LDB2: variants seen among roughly 807,000 people sequenced by gnomAD.
LDB2 encodes LIM domain binding 2.
A neutral mutation model predicts 44.3 loss-of-function variants in LDB2; 12 were observed. The ratio of observed to expected loss-of-function variants is 0.27; its 90% CI spans 0.17 to 0.44. LDB2 has a LOEUF of 0.44. Among genes scored for constraint, LDB2 ranks in the 20% least tolerant of loss-of-function variants. The pLI, the probability that LDB2 is intolerant of heterozygous loss-of-function variation, is 1.00. For synonymous variants in LDB2, 164 were observed against 174.8 expected, an observed-to-expected ratio of 0.94 and a Z score of 0.49; for missense variants, 344 against 473.5, an observed-to-expected ratio of 0.73 and a Z score of 2.54.
intron 1 of LDB2, among the ~76,000 whole-genome samples, chr4:16,776,043 T>C (rs1281507270): frequency 1.3e-5 from 2 of 152,242 alleles, no homozygotes; most frequent in Non-Finnish European, 2.9e-5. Flanking sequence ...AATTGTGGCT[T>C]GCCTGCCAGC....
intron 2 of LDB2, among the ~76,000 whole-genome samples, chr4:16,685,621 A>G (rs1749047883): frequency 6.6e-6 from 1 of 152,300 alleles, no homozygotes; most frequent in African/African-American, 2.4e-5. Flanking sequence ...CGATGTCCCA[A>G]TGTGAATGGA....
chr4:16,831,212 C>A (rs1784032011), intron 1 of LDB2, among the ~76,000 whole-genome samples: 2 of 130,758 alleles, frequency 1.5e-5, no homozygotes, highest in Admixed American at 8.9e-5. Context: ...GTGCAAATAT[C>A]ATAAGGGAAG....
At chr4:16,698,249 T>C (rs1181344161) in intron 2 of LDB2, among the ~76,000 whole-genome samples, 1 of 152,252 alleles carries the variant, frequency 6.6e-6, no homozygotes, top group African/African-American at 2.4e-5. Flanking sequence ...ACATGTGTCT[T>C]GATACACTCA....
chr4:16,549,667 G>A (rs1034574911), intron 5 of LDB2, among the ~76,000 whole-genome samples: 1 of 152,120 alleles, frequency 6.6e-6, no homozygotes, highest in Non-Finnish European at 1.5e-5. Flanking sequence ...GACCTGCAAT[G>A]TTACCCAGAT....
chr4:16,712,250 C>T (rs900585202), intron 2 of LDB2, among the ~76,000 whole-genome samples: 2 of 152,130 alleles, frequency 1.3e-5, no homozygotes, highest in African/African-American at 4.8e-5. Flanking sequence ...GCAAAGGATT[C>T]ACTATACATT....
Position 16,731,219 on chromosome 4 carries a change from T to G in LDB2, c.235+27939A>C, listed in dbSNP as rs150179769. On this transcript the variant is annotated intron_variant, in intron 2 of 7. Coordinates refer to ENST00000304523, the MANE Select transcript of LDB2 (RefSeq NM_001290.5). Reference sequence around the variant, plus strand: ...TGGAATGGAATGAAATGGGCTGGAATGGACTGGACTGGAATGAAATGGATT... The same window carrying G: ...TGGAATGGAATGAAATGGGCTGGAAGGGACTGGACTGGAATGAAATGGATT... 3.7e-3 allele frequency among the ~76,000 whole-genome samples: 567 copies of G among 152,248 alleles called. 4 individuals carry two copies. The highest frequency in any genetic ancestry group is 0.013 in the African/African-American group (543 of 41,546).
At chr4:16,830,694 C>T (rs1783908557) in intron 1 of LDB2, among the ~76,000 whole-genome samples, 1 of 152,196 alleles carries the variant, frequency 6.6e-6, no homozygotes, top group Admixed American at 6.5e-5. Context: ...AAAAAGGCAA[C>T]TCAGTGAATG....
chr4:16,733,967 A>G (rs1761308156), intron 2 of LDB2, among the ~76,000 whole-genome samples: 1 of 152,224 alleles, frequency 6.6e-6, no homozygotes, highest in African/African-American at 2.4e-5. Context: ...GCAGGAGACA[A>G]TGCCTATTTT....
intron 2 of LDB2, among the ~76,000 whole-genome samples, chr4:16,721,516 C>G (rs1480214726): frequency 6.6e-6 from 1 of 152,058 alleles, no homozygotes; most frequent in East Asian, 1.9e-4. Flanking sequence ...TTAAAATTAG[C>G]ATCATTTTTT....
At chr4:16,621,013 C>G (rs1249699507) in intron 2 of LDB2, among the ~76,000 whole-genome samples, 1 of 152,152 alleles carries the variant, frequency 6.6e-6, no homozygotes, top group Non-Finnish European at 1.5e-5. Flanking sequence ...TGGCAGGTGG[C>G]AAATGAACAT....
chr4:16,589,536 C>T (rs1578035236), intron 3 of LDB2, among the ~76,000 whole-genome samples: 1 of 152,170 alleles, frequency 6.6e-6, no homozygotes, highest in Non-Finnish European at 1.5e-5. Flanking sequence ...AAGGTCTCTT[C>T]CTTGATAGAG....
At chr4:16,870,735 C>T (rs1441569554) in intron 1 of LDB2, among the ~76,000 whole-genome samples, 3 of 152,064 alleles carry the variant, frequency 2.0e-5, no homozygotes, top group Non-Finnish European at 2.9e-5. Flanking sequence ...CCAGTTCAAG[C>T]GATTCTCCTG....
chr4:16,892,410 TA>T (rs1013424744), intron 1 of LDB2, among the ~76,000 whole-genome samples: 1 of 152,054 alleles, frequency 6.6e-6, no homozygotes, highest in Admixed American at 6.6e-5. Flanking sequence ...ATTTAAATTT[TA>T]AAAAAAATCT....
chr4:16,858,410 GT>G (rs1789811233), intron 1 of LDB2, among the ~76,000 whole-genome samples: 1 of 152,248 alleles, frequency 6.6e-6, no homozygotes, highest in Non-Finnish European at 1.5e-5. Flanking sequence ...AGACGAGCCA[GT>G]GGTTGGGCTT....
At chr4:16,507,053 A>G (rs549982351) in intron 7 of LDB2, 1 of 152,294 alleles carries the variant, frequency 6.6e-6, no homozygotes, top group South Asian at 2.1e-4. Flanking sequence ...AGTGGGCATA[A>G]CTTGATACTT....
At chr4:16,539,743 A>G (rs955423037) in intron 5 of LDB2, among the ~76,000 whole-genome samples, 1 of 152,150 alleles carries the variant, frequency 6.6e-6, no homozygotes, top group Non-Finnish European at 1.5e-5. Context: ...CTAGTAAGAC[A>G]AAATTAATCA....
At chr4:16,663,592 C>T (rs901644561) in intron 2 of LDB2, among the ~76,000 whole-genome samples, 8 of 152,132 alleles carry the variant, frequency 5.3e-5, no homozygotes, top group South Asian at 2.1e-4. Context: ...TGCATGTTTC[C>T]GTGAAGCTCC....
At chr4:16,721,530 C>A (rs1378655038) in intron 2 of LDB2, among the ~76,000 whole-genome samples, 5 of 151,928 alleles carry the variant, frequency 3.3e-5, no homozygotes, top group South Asian at 2.1e-4. Flanking sequence ...ATTTTTTTAA[C>A]AAAAATTTCC....
rs115939203 is a variant in LDB2, at chr4:16,511,433, T to G, written c.739+548A>C. 7.1e-3 allele frequency among the ~76,000 whole-genome samples: 1,078 copies of G among 152,310 alleles called. 11 individuals carry two copies. The highest frequency in any genetic ancestry group is 0.025 in the African/African-American group (1,030 of 41,574). On this transcript the variant is annotated intron_variant, in intron 6 of 7. Coordinates refer to ENST00000304523, the MANE Select transcript of LDB2 (RefSeq NM_001290.5). Reference sequence around the variant, plus strand: ...ATATTCTCTTCATGATCAGAACTTTTGATACAATATATCTTTAAAAACAGA... The same window carrying G: ...ATATTCTCTTCATGATCAGAACTTTGGATACAATATATCTTTAAAAACAGA...
Sources: gnomAD v4.1 joint callset for allele counts (sites outside exome capture counted in the v4.1 genomes callset) on GRCh38, gnomAD v4.1.1 for gene constraint, MANE v1.5 for transcripts, NCBI Gene and HGNC (gene_info 2026-07-23, HGNC 2026-07-21) for gene names.